Variants in PCDHGB4 observed in about 807,000 individuals in gnomAD.
PCDHGB4 encodes the protein protocadherin gamma-B4.
A neutral mutation model predicts 60.5 loss-of-function variants in PCDHGB4; 38 were observed. The ratio of observed to expected loss-of-function variants is 0.63; its 90% CI spans 0.48 to 0.82. The LOEUF is 0.82. Among genes scored for constraint, PCDHGB4 ranks in the 40% least tolerant of loss-of-function variants. The pLI is 0.00. For synonymous variants in PCDHGB4, 456 were observed against 509.7 expected, an observed-to-expected ratio of 0.89 and a Z score of 1.42; for missense variants, 1,109 against 1,209.6, an observed-to-expected ratio of 0.92 and a Z score of 1.23.
intron 1 of PCDHGB4, chr5:141,393,482 T>G (rs116240246): frequency 4.3e-6 from 7 of 1,614,070 alleles, no homozygotes; most frequent in Middle Eastern, 1.6e-4. Context: ...CGCCTCGCTC[T>G]AGCACAGTGC....
chr5:141,433,802 A>G (rs2097651656), intron 1 of PCDHGB4, among the ~76,000 whole-genome samples: 1 of 149,280 alleles, frequency 6.7e-6, no homozygotes, highest in Non-Finnish European at 1.5e-5. Flanking sequence ...GTGCCATTGC[A>G]CTCCAGCCTG....
At chr5:141,481,210 G>A (rs1351826116) in intron 1 of PCDHGB4, among the ~76,000 whole-genome samples, 2 of 152,128 alleles carry the variant, frequency 1.3e-5, no homozygotes, top group Admixed American at 1.3e-4. Context: ...TAAAAAACAT[G>A]GTAAGGTCTC....
At chr5:141,473,066 A>G (rs1002054198) in intron 1 of PCDHGB4, among the ~76,000 whole-genome samples, 3 of 152,128 alleles carry the variant, frequency 2.0e-5, no homozygotes, top group African/African-American at 7.2e-5. Context: ...AACAAGTTAC[A>G]GCATCTTTGT....
At chr5:141,405,672 G>C (rs755545370) in intron 1 of PCDHGB4, among the ~76,000 whole-genome samples, 3 of 152,024 alleles carry the variant, frequency 2.0e-5, no homozygotes, top group Non-Finnish European at 4.4e-5. Flanking sequence ...GAGACGGGGT[G>C]TCACCATGTT....
Position 141,431,877 on chromosome 5 carries a change from AC to A in PCDHGB4, c.2397+41598del. 1 of 1,614,230 alleles carries A rather than the reference AC, an allele frequency of 6.2e-7. No individual in the cohort carries two copies. The highest frequency in any genetic ancestry group is 1.3e-5 in the African/African-American group (1 of 75,070). ...TTAATTGCCCTTTTAAATGTAAATGACCAAGATTCTGAGGAAAACGGACAGG... is the reference window on the plus strand; with the variant it reads ...TTAATTGCCCTTTTAAATGTAAATGACAAGATTCTGAGGAAAACGGACAGG... On this transcript the variant is annotated intron_variant, in intron 1 of 3. Coordinates refer to ENST00000519479, the MANE Select transcript of PCDHGB4 (RefSeq NM_003736.4). The surrounding 1 kb of genome is among the most constrained non-coding windows in gnomAD (Gnocchi z 4.8).
intron 1 of PCDHGB4, chr5:141,433,087 A>G (rs769187557): frequency 6.2e-7 from 1 of 1,614,206 alleles, no homozygotes. Context: ...CCAACTATGC[A>G]GACATGCTCG....
At position 141,487,790 on chromosome 5, in the gene PCDHGB4, C is replaced by T. The variant is rs1360781901; in HGVS notation, c.2398-7017C>T. 6.6e-7 allele frequency: 1 copy of T among 1,511,992 alleles called. No individual in the cohort carries two copies. Among genetic ancestry groups the T allele is most frequent in the Non-Finnish European group, 8.9e-7 (1 of 1,120,458 alleles). The allele number at this position is 1,511,992 out of a possible 1,614,324, so 93.7% of individuals were successfully genotyped here. ...GCTTTGTAACTGTTTCGTGAATTAA[C>T]CAGAGTTGTCACAGTTTAGCATTGG... On this transcript the variant is annotated intron_variant, in intron 1 of 3. Coordinates refer to ENST00000519479, the MANE Select transcript of PCDHGB4 (RefSeq NM_003736.4). This position sits in a 1 kb window ranked among gnomAD's most constrained non-coding sequence, Gnocchi z 5.0.
intron 2 of PCDHGB4, among the ~76,000 whole-genome samples, chr5:141,495,250 A>G (rs557893500): frequency 6.6e-6 from 1 of 152,188 alleles, no homozygotes; most frequent in Non-Finnish European, 1.5e-5. Context: ...CCTGGGGCTC[A>G]GGCAGAAAAG....
intron 1 of PCDHGB4, among the ~76,000 whole-genome samples, chr5:141,443,765 A>G (rs577762947): frequency 6.6e-6 from 1 of 152,340 alleles, no homozygotes; most frequent in East Asian, 1.9e-4. Context: ...TACAATATAC[A>G]ATATTACCAA....
intron 1 of PCDHGB4, among the ~76,000 whole-genome samples, chr5:141,455,286 T>G (rs889792228): frequency 6.6e-6 from 1 of 152,176 alleles, no homozygotes; most frequent in African/African-American, 2.4e-5. Flanking sequence ...AACATCACTT[T>G]ACATAGTTTC....
Position 141,486,902 on chromosome 5 carries a change from C to T in PCDHGB4, c.2398-7905C>T, listed in dbSNP as rs2099636761. On this transcript the variant is annotated intron_variant, in intron 1 of 3. Transcript: ENST00000519479. This position sits in a 1 kb window ranked among gnomAD's most constrained non-coding sequence, Gnocchi z 5.0. ...TCGGGCCCGGCCTGGTTCCTTATGT[C>T]CCCAAGCACTGCCTCCATCAGTTGG... 1 of 1,614,226 alleles carries T rather than the reference C, an allele frequency of 6.2e-7. No individual in the cohort carries two copies. The highest frequency in any genetic ancestry group is 8.5e-7 in the Non-Finnish European group (1 of 1,180,044).
chr5:141,481,351 A>G (rs2099536232), intron 1 of PCDHGB4, among the ~76,000 whole-genome samples: 1 of 152,152 alleles, frequency 6.6e-6, no homozygotes, highest in Non-Finnish European at 1.5e-5. Context: ...TTAAACATCT[A>G]CAGCTGTTCA....
chr5:141,476,306 C>T lies in PCDHGB4; in HGVS notation c.2398-18501C>T, dbSNP rs1011265476. The T allele has an allele frequency of 1.2e-6, 2 of 1,613,464 alleles. No homozygotes were observed. Among genetic ancestry groups the T allele is most frequent in the African/African-American group, 2.7e-5 (2 of 74,688 alleles). On this transcript the variant is annotated intron_variant, in intron 1 of 3. Transcript: ENST00000519479. The surrounding 1 kb of genome is among the most constrained non-coding windows in gnomAD (Gnocchi z 7.6). ...TTTGGATCTCGGTAGCCTCTCAGCCCGCAGGTTCCGGGTGGTGTCTGGAGC... is the reference window on the plus strand; with the variant it reads ...TTTGGATCTCGGTAGCCTCTCAGCCTGCAGGTTCCGGGTGGTGTCTGGAGC...
chr5:141,415,039 G>A (rs761101620), intron 1 of PCDHGB4: 1 of 1,613,486 alleles, frequency 6.2e-7, no homozygotes, highest in South Asian at 1.1e-5. Context: ...GGGACTCTTC[G>A]CGGTGGGGGA....
At chr5:141,422,639 C>G (rs777330051) in intron 1 of PCDHGB4, 1 of 1,612,662 alleles carries the variant, frequency 6.2e-7, no homozygotes. Flanking sequence ...AGGGGTGCCT[C>G]CATCTTCTCA....
chr5:141,415,304 C>A, intron 1 of PCDHGB4: 1 of 1,614,188 alleles, frequency 6.2e-7, no homozygotes, highest in Non-Finnish European at 8.5e-7. Context: ...GTCTTCCTGG[C>A]CTTCGTCATC....
At chr5:141,441,386 G>A (rs2098243752) in intron 1 of PCDHGB4, 1 of 153,358 alleles carries the variant, frequency 6.5e-6, no homozygotes, top group African/African-American at 2.4e-5. Flanking sequence ...ACAGACCCAA[G>A]GTATAACATC....
chr5:141,408,239 C>A, intron 1 of PCDHGB4: 2 of 1,577,720 alleles, frequency 1.3e-6, no homozygotes, highest in South Asian at 2.3e-5. Flanking sequence ...CCGGGCCGGC[C>A]CGCGGCAGGT....
intron 1 of PCDHGB4, among the ~76,000 whole-genome samples, chr5:141,461,838 T>G (rs1592748714): frequency 6.6e-6 from 1 of 151,980 alleles, no homozygotes; most frequent in African/African-American, 2.4e-5. Context: ...TTCTTTTTTT[T>G]TTGAGACAGA....
Sources: allele counts gnomAD v4.1 joint callset (sites outside exome capture counted in the v4.1 genomes callset), GRCh38; gene constraint gnomAD v4.1.1; non-coding constraint Gnocchi (gnomAD v3.1); transcripts MANE v1.5; gene names NCBI Gene and HGNC (gene_info 2026-07-23, HGNC 2026-07-21).